The following NRXN1 variants were observed in gnomAD, a reference collection of about 807,000 sequenced individuals.
NRXN1 encodes neurexin 1.
NRXN1 carries 39 observed loss-of-function variants against 150.9 expected under a neutral mutation model. The ratio of observed to expected loss-of-function variants is 0.26; its 90% confidence interval spans 0.20 to 0.34. The LOEUF (loss-of-function observed/expected upper bound fraction) is 0.34, where lower values mean the gene tolerates loss of function less well. Among genes scored for constraint, NRXN1 ranks in the 10% least tolerant of loss-of-function variants. NRXN1 has a pLI of 1.00. For synonymous variants in NRXN1, 924 were observed against 757.0 expected, an observed-to-expected ratio of 1.22 and a Z score of -3.62; for missense variants, 1,815 against 1,949.9, an observed-to-expected ratio of 0.93 and a Z score of 1.30.
chr2:50,765,325 G>A (rs1264286608), intron 5 of NRXN1, among the ~76,000 whole-genome samples: 3 of 151,986 alleles, frequency 2.0e-5, no homozygotes, highest in Non-Finnish European at 4.4e-5. Context: ...ATTAAGAGAC[G>A]GAGAGGCAGA....
intron 21 of NRXN1, among the ~76,000 whole-genome samples, chr2:50,030,237 G>T (rs1688994886): frequency 6.6e-6 from 1 of 152,062 alleles, no homozygotes; most frequent in Admixed American, 6.6e-5. Flanking sequence ...TAGAAAACTT[G>T]CAATTATAAA....
At chr2:50,231,032 A>C (rs1458322125) in intron 18 of NRXN1, among the ~76,000 whole-genome samples, 1 of 152,092 alleles carries the variant, frequency 6.6e-6, no homozygotes, top group African/African-American at 2.4e-5. Context: ...GAATTAGGAA[A>C]GCTACCTCGT....
At chr2:51,001,299 A>G (rs1486368104) in intron 2 of NRXN1, among the ~76,000 whole-genome samples, 1 of 151,566 alleles carries the variant, frequency 6.6e-6, no homozygotes, top group African/African-American at 2.4e-5. Flanking sequence ...TTGTGTTTCT[A>G]GAATTTTATT....
At chr2:49,937,238 C>T (rs1441181412) in intron 22 of NRXN1, among the ~76,000 whole-genome samples, 3 of 152,224 alleles carry the variant, frequency 2.0e-5, no homozygotes, top group African/African-American at 7.2e-5. Context: ...AGCCCATTTG[C>T]AAGCACAGTT....
At chr2:50,586,084 C>T (rs1673049494) in intron 8 of NRXN1, among the ~76,000 whole-genome samples, 2 of 152,212 alleles carry the variant, frequency 1.3e-5, no homozygotes, top group South Asian at 2.1e-4. Flanking sequence ...CTCGCTGATA[C>T]ATCCTTTCTC....
chr2:50,606,250 GAAAAAAAAAAA>G (rs1203771076), intron 8 of NRXN1, among the ~76,000 whole-genome samples: 2 of 75,514 alleles, frequency 2.6e-5, no homozygotes, highest in Admixed American at 3.5e-4. Flanking sequence ...CTCTGTTTCA[GAAAAAAAAAAA>G]AAAAAAAAAA....
chr2:50,656,355 A>C, intron 5 of NRXN1: 1 of 776,520 alleles, frequency 1.3e-6, no homozygotes, highest in Non-Finnish European at 2.4e-6. Flanking sequence ...AGAGTACCTG[A>C]GTCTGTACTA....
intron 5 of NRXN1, among the ~76,000 whole-genome samples, chr2:50,836,945 T>A (rs1324600264): frequency 6.6e-6 from 1 of 151,546 alleles, no homozygotes; most frequent in African/African-American, 2.4e-5. Flanking sequence ...CTGAAATCAG[T>A]CACTTAGAAC....
At chr2:50,473,222 G>C (rs2089685572) in intron 15 of NRXN1, among the ~76,000 whole-genome samples, 1 of 151,490 alleles carries the variant, frequency 6.6e-6, no homozygotes, top group African/African-American at 2.4e-5. Flanking sequence ...CAATTTTTAG[G>C]CTGCTCTGAA....
intron 17 of NRXN1, among the ~76,000 whole-genome samples, chr2:50,465,030 C>T (rs1520455): frequency 0.61 from 91,553 of 151,294 alleles, 28,094 homozygotes; most frequent in African/African-American, 0.67. Context: ...AAGAGATGTA[C>T]GCAGAGAGAA....
chr2:50,549,955 T>C (rs1431126311), intron 9 of NRXN1, among the ~76,000 whole-genome samples: 1 of 152,124 alleles, frequency 6.6e-6, no homozygotes. Flanking sequence ...TGCACACATA[T>C]ATAGACACAC....
chr2:50,040,944 C>T (rs1690846195), intron 21 of NRXN1, among the ~76,000 whole-genome samples: 1 of 151,900 alleles, frequency 6.6e-6, no homozygotes, highest in Admixed American at 6.6e-5. Flanking sequence ...TAAACATGTG[C>T]CATGTTGGTG....
chr2:50,109,268 C>A (rs1702064308), intron 18 of NRXN1, among the ~76,000 whole-genome samples: 1 of 152,058 alleles, frequency 6.6e-6, no homozygotes, highest in Non-Finnish European at 1.5e-5. Flanking sequence ...TTACATAACT[C>A]CTCTCTCTTG....
Position 50,285,722 on chromosome 2 carries a change from T to TTTAA in NRXN1, c.3365-48756_3365-48753dup, listed in dbSNP as rs1403404479. Among the ~76,000 whole-genome samples, 7 of 152,308 alleles carry TTTAA rather than the reference T, an allele frequency of 4.6e-5. No homozygotes were observed. In the East Asian group the frequency reaches 1.3e-3, roughly 29 times the overall value. The stretch of plus-strand genomic sequence containing the variant: ...TAAATAAAAAGACAGCAGGTAGTAA[T>TTTAA]TTAAATGTTTCAGTATGCCTACAAT... On this transcript the variant is annotated intron_variant, in intron 17 of 22. Transcript: ENST00000401669.
At chr2:50,636,984 A>C (rs757182156) in intron 5 of NRXN1, among the ~76,000 whole-genome samples, 1 of 152,212 alleles carries the variant, frequency 6.6e-6, no homozygotes, top group Non-Finnish European at 1.5e-5. Context: ...TAGAAGGATC[A>C]ATCAATACTG....
intron 5 of NRXN1, among the ~76,000 whole-genome samples, chr2:50,806,123 A>C (rs1667478034): frequency 6.6e-6 from 1 of 152,178 alleles, no homozygotes; most frequent in African/African-American, 2.4e-5. Flanking sequence ...ATCTGAAACC[A>C]CTGTAAAAGT....
At chr2:50,753,964 T>TGGGG (rs1554047725) in intron 5 of NRXN1, among the ~76,000 whole-genome samples, 3 of 118,012 alleles carry the variant, frequency 2.5e-5, no homozygotes, top group Admixed American at 1.0e-4. Flanking sequence ...GATTTTTTTT[T>TGGGG]GGGGGGGGGC....
chr2:51,007,204 T>G lies in NRXN1; in HGVS notation c.772+20298A>C, dbSNP rs973216069. On this transcript the variant is annotated intron_variant, in intron 2 of 22. Transcript: ENST00000401669. ...CTTTGTTTCCATATGCAATTGGACATGTTTTTCAGATAATTATCAGAAGAT... is the reference window on the plus strand; with the variant it reads ...CTTTGTTTCCATATGCAATTGGACAGGTTTTTCAGATAATTATCAGAAGAT... 2.6e-5 allele frequency among the ~76,000 whole-genome samples: 4 copies of G among 152,104 alleles called. No homozygotes were observed. The East Asian group carries it at 7.8e-4, about 30-fold the overall frequency.
intron 17 of NRXN1, among the ~76,000 whole-genome samples, chr2:50,360,163 T>C (rs2079088765): frequency 6.6e-6 from 1 of 151,768 alleles, no homozygotes; most frequent in African/African-American, 2.4e-5. Context: ...GAAAGACCAA[T>C]GTGTGTAAAG....
Sources: allele counts gnomAD v4.1 joint callset (sites outside exome capture counted in the v4.1 genomes callset), GRCh38; gene constraint gnomAD v4.1.1; transcripts MANE v1.5; gene names NCBI Gene and HGNC (gene_info 2026-07-23, HGNC 2026-07-21).